NLK: variants seen among roughly 807,000 people sequenced by gnomAD.
NLK encodes serine/threonine-protein kinase NLK.
NLK carries 11 observed loss-of-function variants against 59.0 expected under a neutral mutation model. That is an observed-to-expected ratio of 0.19 (90% CI 0.12 to 0.31). The LOEUF (loss-of-function observed/expected upper bound fraction) is 0.31. Among genes scored for constraint, NLK ranks in the 10% least tolerant of loss-of-function variants. The pLI, the probability that NLK is intolerant of heterozygous loss-of-function variation, is 1.00. For missense variants in NLK, 410 were observed against 661.1 expected, an observed-to-expected ratio of 0.62 and a Z score of 4.16; for synonymous variants, 235 against 235.9, an observed-to-expected ratio of 1.00 and a Z score of 0.03.
intron 8 of NLK, among the ~76,000 whole-genome samples, chr17:28,190,290 A>G (rs1488368790): frequency 6.6e-6 from 1 of 152,206 alleles, no homozygotes; most frequent in Non-Finnish European, 1.5e-5. Flanking sequence ...TTTTCAGGCA[A>G]ACTTAAAACT....
At chr17:28,064,574 G>A (rs1278622274) in intron 1 of NLK, among the ~76,000 whole-genome samples, 2 of 152,100 alleles carry the variant, frequency 1.3e-5, no homozygotes, top group Non-Finnish European at 2.9e-5. Context: ...TTTAAAAAAA[G>A]TTTTTCAGGG....
intron 3 of NLK, among the ~76,000 whole-genome samples, chr17:28,154,448 A>G (rs1907615945): frequency 6.6e-6 from 1 of 152,190 alleles, no homozygotes; most frequent in Non-Finnish European, 1.5e-5. Context: ...GAGGATCTGT[A>G]CATAATTGAG....
In NLK at chr17:28,156,086, T is replaced by A. The variant is rs77109830; in HGVS notation, c.645-5074T>A. Among the ~76,000 whole-genome samples the A allele has an allele frequency of 6.6e-3, 1,000 of 152,198 alleles. 17 individuals are homozygous for A. Among genetic ancestry groups the A allele is most frequent in the African/African-American group, 0.022 (934 of 41,538 alleles). On this transcript the variant is annotated intron_variant, in intron 3 of 10. Transcript: ENST00000407008. ...ATAATTTCCATTTTCTACAATGAAG[T>A]TTAAGAAAACTATTAAGGAAATTTT...
At position 28,172,581 on chromosome 17, in the gene NLK, G is replaced by C. The variant is rs1456006883; in HGVS notation, c.1112G>C (p.Gly371Ala). 6.3e-7 allele frequency: 1 copy of C among 1,593,802 alleles called. No individual in the cohort carries two copies. Among genetic ancestry groups the C allele is most frequent in the Non-Finnish European group, 8.5e-7 (1 of 1,170,918 alleles). The change falls in exon 7 of 11, where the codon GGC (glycine) becomes GCC (alanine). Residue 371 changes from glycine (G) to alanine (A), a missense_variant. Physicochemically the swap from Gly to Ala is moderately conservative, Grantham distance 60. Around this residue, in one of 5 missense-constraint regions of NLK, gnomAD observed 150 missense variants for 244.3 expected, o/e 0.61. Transcript: ENST00000407008. ...GAAGCAATGAGGACAGCTTGTGAAG[G>C]CGCTAAGGCACATATACTCAGGGGT... Reference protein sequence around the residue: ...SLEAMRTACEGAKAHILRGPH... With the variant: ...SLEAMRTACEAAKAHILRGPH...
At chr17:28,179,688 C>T (rs1014356545) in intron 7 of NLK, among the ~76,000 whole-genome samples, 1 of 151,956 alleles carries the variant, frequency 6.6e-6, no homozygotes, top group Non-Finnish European at 1.5e-5. Flanking sequence ...GAGCCAAGAT[C>T]GCGCCTCTGC....
At chr17:28,120,256 G>GTATGTGTGTGTGTGTGTGTA (rs148277954) in intron 1 of NLK, among the ~76,000 whole-genome samples, 3 of 150,716 alleles carry the variant, frequency 2.0e-5, no homozygotes, top group Non-Finnish European at 3.0e-5. Context: ...GTGTGTGTGT[G>GTATGTGTGTGTGTGTGTGTA]TGTGTGTGTG....
intron 4 of NLK, 27 bp downstream of exon 4, chr17:28,161,293 T>A: frequency 8.2e-7 from 1 of 1,216,010 alleles, no homozygotes; most frequent in Non-Finnish European, 1.2e-6. Context: ...AAGAAAAAGG[T>A]GCTGTCACAC....
At chr17:28,165,535 T>C (rs1203662961) in intron 5 of NLK, among the ~76,000 whole-genome samples, 3 of 152,246 alleles carry the variant, frequency 2.0e-5, no homozygotes, top group African/African-American at 4.8e-5. Flanking sequence ...ACTAGTTCTT[T>C]CTTCTCAAAC....
chr17:28,195,876 A>AT lies in NLK; in HGVS notation c.*1241dup, dbSNP rs561535440. 2.5e-4 allele frequency: 38 copies of AT among 152,714 alleles called. No homozygotes were observed. The highest frequency in any genetic ancestry group is 8.9e-4 in the African/African-American group (37 of 41,550). 9.5% of individuals were successfully genotyped at this position (152,714 alleles called of 1,614,324 possible). The stretch of plus-strand genomic sequence containing the variant: ...GTCCCTTCCAACTTTTATATTAAAA[A>AT]TAAAAAGACAAGAAAATTGAAGATC... On this transcript the variant is annotated 3_prime_UTR_variant, in exon 11 of 11. Transcript: ENST00000407008.
intron 6 of NLK, among the ~76,000 whole-genome samples, chr17:28,170,853 T>C (rs1465235414): frequency 6.6e-6 from 1 of 152,240 alleles, no homozygotes; most frequent in African/African-American, 2.4e-5. Flanking sequence ...GATCTTCAGT[T>C]TGGCAGTCTG....
chr17:28,046,666 TA>T (rs1466706946), intron 1 of NLK, among the ~76,000 whole-genome samples: 1 of 152,184 alleles, frequency 6.6e-6, no homozygotes, highest in Non-Finnish European at 1.5e-5. Flanking sequence ...GTTAAAGATG[TA>T]ACAACTTTGG....
At chr17:28,161,406 A>G in intron 4 of NLK, 140 bp downstream of exon 4, 1 of 553,352 alleles carries the variant, frequency 1.8e-6, no homozygotes, top group South Asian at 2.7e-5. Flanking sequence ...ATATTTTATA[A>G]TTTCTATATT....
intron 1 of NLK, among the ~76,000 whole-genome samples, chr17:28,081,069 T>C (rs1910328842): frequency 6.6e-6 from 1 of 151,910 alleles, no homozygotes; most frequent in Non-Finnish European, 1.5e-5. Flanking sequence ...TTTTTTTCTT[T>C]TGTAAGGACA....
intron 10 of NLK, among the ~76,000 whole-genome samples, chr17:28,193,706 A>G (rs1909391499): frequency 6.6e-6 from 1 of 152,046 alleles, no homozygotes; most frequent in African/African-American, 2.4e-5. Flanking sequence ...CTTTAATCAT[A>G]TTAAAGTTGG....
intron 6 of NLK, among the ~76,000 whole-genome samples, chr17:28,170,061 C>T (rs913573782): frequency 6.6e-6 from 1 of 152,062 alleles, no homozygotes; most frequent in Non-Finnish European, 1.5e-5. Flanking sequence ...AACATTTCAC[C>T]CACATAAAAT....
At chr17:28,085,437 G>A (rs1289005827) in intron 1 of NLK, among the ~76,000 whole-genome samples, 8 of 152,042 alleles carry the variant, frequency 5.3e-5, no homozygotes, top group East Asian at 1.9e-4. Context: ...ATAGTGATCC[G>A]TTAAAATTAT....
At chr17:28,171,033 A>G (rs1233762188) in intron 6 of NLK, among the ~76,000 whole-genome samples, 1 of 152,216 alleles carries the variant, frequency 6.6e-6, no homozygotes, top group Admixed American at 6.5e-5. Context: ...AGCAGACATC[A>G]TAAAAGTGTT....
intron 2 of NLK, among the ~76,000 whole-genome samples, chr17:28,131,101 T>C (rs911318132): frequency 1.3e-5 from 2 of 152,154 alleles, no homozygotes; most frequent in Non-Finnish European, 2.9e-5. Flanking sequence ...CAGGAGGCTT[T>C]AATGCATAAA....
At chr17:28,093,050 C>T (rs903826244) in intron 1 of NLK, among the ~76,000 whole-genome samples, 3 of 152,072 alleles carry the variant, frequency 2.0e-5, no homozygotes, top group African/African-American at 7.2e-5. Context: ...ACCTTGGCCC[C>T]CCAAAGTGCT....
Sources: gnomAD v4.1 joint callset for allele counts (sites outside exome capture counted in the v4.1 genomes callset) on GRCh38, gnomAD v4.1.1 for gene constraint, gnomAD v4.1.1 regional missense constraint, MANE v1.5 for transcripts, NCBI Gene and HGNC (gene_info 2026-07-23, HGNC 2026-07-21) for gene names.